The following MAP3K9 variants were observed in gnomAD, a reference collection of about 807,000 sequenced individuals.
MAP3K9 encodes the protein mixed lineage kinase 1 (tyr and ser/thr specificity).
A neutral mutation model predicts 95.8 loss-of-function variants in MAP3K9; 46 were observed. The observed-to-expected ratio is 0.48, with a 90% confidence interval of 0.38 to 0.61. The LOEUF (loss-of-function observed/expected upper bound fraction) is 0.61, where lower values mean the gene tolerates loss of function less well. MAP3K9 is among the 20% of genes least tolerant of loss of function. The pLI is 0.00. For synonymous variants in MAP3K9, 533 were observed against 593.8 expected, an observed-to-expected ratio of 0.90 and a Z score of 1.49; for missense variants, 1,296 against 1,474.3, an observed-to-expected ratio of 0.88 and a Z score of 1.98.
chr14:70,740,300 TGTTCTCTTTTAGAATC>T (rs1437864286), intron 6 of MAP3K9, 136 bp from the exon 7 acceptor site: 2 of 910,178 alleles, frequency 2.2e-6, no homozygotes, highest in Admixed American at 2.8e-5. Flanking sequence ...ACCTGGGAAA[TGTTCTCTTTTAGAATC>T]ATCTCTTTTT....
intron 11 of MAP3K9, among the ~76,000 whole-genome samples, chr14:70,731,070 G>C (rs1281448648): frequency 6.6e-6 from 1 of 151,658 alleles, no homozygotes; most frequent in African/African-American, 2.4e-5. Context: ...AAGAATAATA[G>C]GACATTTGGG....
chr14:70,790,145 A>G (rs1176084177), intron 2 of MAP3K9, among the ~76,000 whole-genome samples: 4 of 152,164 alleles, frequency 2.6e-5, no homozygotes, highest in Non-Finnish European at 4.4e-5. Context: ...ATCTTCTCTC[A>G]GCAAGGCCAT....
intron 11 of MAP3K9, among the ~76,000 whole-genome samples, chr14:70,731,793 G>C (rs1015883951): frequency 2.0e-5 from 3 of 152,228 alleles, no homozygotes; most frequent in African/African-American, 7.2e-5. Context: ...AAATACAACT[G>C]TTGTTGACAC....
intron 2 of MAP3K9, among the ~76,000 whole-genome samples, chr14:70,766,142 G>C (rs1040806018): frequency 6.6e-6 from 1 of 152,058 alleles, no homozygotes; most frequent in Non-Finnish European, 1.5e-5. Flanking sequence ...GAGAGAAAAA[G>C]CCCATTTGAA....
chr14:70,749,985 G>C lies in MAP3K9; in HGVS notation c.1098C>G (p.Leu366=). ...GGCACGTAGAAGGAATAGGAAGGGC[G>C]AGTTTGTTCATGGCCACTCCATAAG... The part of the protein sequence containing the change: ...AVAYGVAMNK[L]ALPIPSTCPE... Residue 366 remains leucine, a synonymous_variant, in exon 4 of 12, where the codon CTC becomes CTG. Coordinates refer to ENST00000554752, the MANE Select transcript of MAP3K9 (RefSeq NM_001284230.2). 1 of 1,614,196 alleles carries C rather than the reference G, an allele frequency of 6.2e-7. No homozygotes were observed. The highest frequency in any genetic ancestry group is 8.5e-7 in the Non-Finnish European group (1 of 1,180,044).
At position 70,801,039 on chromosome 14, in the gene MAP3K9, T is replaced by C. The variant is rs2054924371; in HGVS notation, c.448A>G (p.Ile150Val). The C allele has an allele frequency of 2.5e-6, 4 of 1,614,084 alleles. No individual in the cohort carries two copies. In the East Asian group the frequency reaches 6.7e-5, roughly 27 times the overall value. ...DFAELTLEEI[I>V]GIGGFGKVYR... ...ACCTTCCCAAAGCCCCCGATGCCAA[T>C]AATCTCTTCCAAGGTGAGCTCCGCA... is the stretch of plus-strand genomic sequence containing the variant. Residue 150 changes from isoleucine to valine, a missense_variant, in exon 2 of 12, where the codon ATT (isoleucine) becomes GTT (valine). By Grantham distance (29) the Ile-to-Val change is conservative. Around this residue, in one of 5 missense-constraint regions of MAP3K9, gnomAD observed 338 missense variants for 363.4 expected, o/e 0.93. Coordinates refer to ENST00000554752, the MANE Select transcript of MAP3K9 (RefSeq NM_001284230.2).
chr14:70,768,560 A>G (rs1158850079), intron 2 of MAP3K9, among the ~76,000 whole-genome samples: 1 of 152,206 alleles, frequency 6.6e-6, no homozygotes, highest in Admixed American at 6.5e-5. Context: ...TACACAAAAA[A>G]GCTGAATGAC....
chr14:70,783,607 C>A (rs1302440060), intron 2 of MAP3K9, among the ~76,000 whole-genome samples: 1 of 152,230 alleles, frequency 6.6e-6, no homozygotes, highest in Non-Finnish European at 1.5e-5. Context: ...CACCAGCAAT[C>A]AATCCAAATT....
chr14:70,776,351 A>G (rs1449530808), intron 2 of MAP3K9, among the ~76,000 whole-genome samples: 1 of 152,212 alleles, frequency 6.6e-6, no homozygotes, highest in Non-Finnish European at 1.5e-5. Flanking sequence ...TGGCTGAGAC[A>G]GTAGCTTGTG....
intron 5 of MAP3K9, among the ~76,000 whole-genome samples, chr14:70,744,303 A>C (rs2064687335): frequency 6.6e-6 from 1 of 152,156 alleles, no homozygotes; most frequent in South Asian, 2.1e-4. Flanking sequence ...AAAACTGCAC[A>C]TTCTGCATAT....
At chr14:70,799,159 C>T (rs1044066789) in intron 2 of MAP3K9, among the ~76,000 whole-genome samples, 1 of 149,950 alleles carries the variant, frequency 6.7e-6, no homozygotes, top group African/African-American at 2.5e-5. Context: ...CTACAATAGA[C>T]ACTTACTACT....
intron 3 of MAP3K9, among the ~76,000 whole-genome samples, chr14:70,757,354 A>G (rs2139772173): frequency 6.6e-6 from 1 of 151,190 alleles, no homozygotes; most frequent in African/African-American, 2.4e-5. Context: ...CCAGCCACTT[A>G]GGAGGCTGAG....
intron 3 of MAP3K9, among the ~76,000 whole-genome samples, chr14:70,758,447 G>A (rs2054326295): frequency 6.6e-6 from 1 of 152,036 alleles, no homozygotes; most frequent in African/African-American, 2.4e-5. Context: ...CATTGCTAAC[G>A]GGAATATAAT....
intron 2 of MAP3K9, among the ~76,000 whole-genome samples, chr14:70,794,089 G>A (rs143398716): frequency 2.0e-5 from 3 of 152,284 alleles, no homozygotes; most frequent in Non-Finnish European, 2.9e-5. Flanking sequence ...AGAAAACTGC[G>A]GAAGGGTTGG....
intron 2 of MAP3K9, among the ~76,000 whole-genome samples, chr14:70,767,383 CAAAAAAAAAA>C (rs67534847): frequency 1.5e-5 from 1 of 65,328 alleles, no homozygotes; most frequent in African/African-American, 6.3e-5. Flanking sequence ...CACTCAGTCT[CAAAAAAAAAA>C]AAAAAAAAAA....
At chr14:70,759,453 TAAATAA>T (rs1336738174) in intron 3 of MAP3K9, among the ~76,000 whole-genome samples, 1 of 151,894 alleles carries the variant, frequency 6.6e-6, no homozygotes, top group African/African-American at 2.4e-5. Context: ...AAAAAATAAA[TAAATAA>T]AAATAAAGTT....
chr14:70,732,351 A>G (rs993172033), intron 11 of MAP3K9, among the ~76,000 whole-genome samples, 188 bp downstream of exon 11: 2 of 152,214 alleles, frequency 1.3e-5, no homozygotes, highest in Non-Finnish European at 2.9e-5. Context: ...CCCCTGAGGC[A>G]CAGGTCAGAG....
At chr14:70,791,074 G>C (rs901258285) in intron 2 of MAP3K9, among the ~76,000 whole-genome samples, 2 of 152,202 alleles carry the variant, frequency 1.3e-5, no homozygotes, top group Non-Finnish European at 2.9e-5. Flanking sequence ...GTTTGGTTGG[G>C]AGGGATGTGG....
Position 70,804,311 on chromosome 14 carries a change from T to A in MAP3K9, c.407-3231A>T, listed in dbSNP as rs192056370. Among the ~76,000 whole-genome samples, 334 of 152,348 alleles carry A rather than the reference T, an allele frequency of 2.2e-3. 1 individual carries two copies. The highest frequency in any genetic ancestry group is 7.6e-3 in the African/African-American group (316 of 41,584). On this transcript the variant is annotated intron_variant, in intron 1 of 11. Coordinates refer to ENST00000554752, the MANE Select transcript of MAP3K9 (RefSeq NM_001284230.2). ...TTCTTGCTCAAAATAGCTTGAGAGT[T>A]TCTGAGCCCCAGAATGAATCCAGAC...
Sources: allele counts gnomAD v4.1 joint callset (sites outside exome capture counted in the v4.1 genomes callset), GRCh38; gene constraint gnomAD v4.1.1; regional missense constraint gnomAD v4.1.1; transcripts MANE v1.5; gene names NCBI Gene and HGNC (gene_info 2026-07-23, HGNC 2026-07-21).